The following TLR1 variants were observed in gnomAD, a reference collection of about 807,000 sequenced individuals.
The protein encoded by TLR1 is toll-like receptor 1.
Under a neutral mutation model 20.2 loss-of-function variants are expected in TLR1, and 19 were observed. The observed-to-expected ratio is 0.94, with a 90% CI of 0.66 to 1.38. The LOEUF (loss-of-function observed/expected upper bound fraction) is 1.38, where lower values mean the gene tolerates loss of function less well. Among genes scored for constraint, TLR1 ranks in the 40% most tolerant of loss-of-function variants. The pLI is 0.00. For missense variants in TLR1, 921 were observed against 910.0 expected (o/e 1.01, Z -0.16); for synonymous variants, 320 against 334.5 (o/e 0.96, Z 0.47).
chr4:38,798,656 T>G lies in TLR1; in HGVS notation c.176A>C (p.Glu59Ala). The G allele has an allele frequency of 6.2e-7, 1 of 1,613,976 alleles. No homozygotes were observed. The highest frequency in any genetic ancestry group is 2.2e-5 in the East Asian group (1 of 44,878). ...ILNISQNYIS[E>A]LWTSDILSLS... ...TGATAAGATGTCAGAAGTCCAAAGC[T>G]CAGATATATAATTTTGCGATATATT... The change falls in exon 4 of 4, where the codon GAG becomes GCG. Residue 59 changes from glutamate (E) to alanine (A), a missense_variant. Transcript: ENST00000308979.
chr4:38,794,031 A>G (rs1334004686), downstream of TLR1, among the ~76,000 whole-genome samples: 1 of 152,220 alleles, frequency 6.6e-6, no homozygotes, highest in African/African-American at 2.4e-5. Context: ...CTCTCCTCTC[A>G]AAAGCAGCCA....
downstream of TLR1, among the ~76,000 whole-genome samples, chr4:38,792,663 T>C (rs903707773): frequency 3.3e-5 from 5 of 151,996 alleles, no homozygotes; most frequent in Non-Finnish European, 1.5e-5. Flanking sequence ...TATTAAATGG[T>C]TGTACAATAT....
At chr4:38,799,206 G>T (rs753598688) in intron 3 of TLR1, among the ~76,000 whole-genome samples, 6 of 152,234 alleles carry the variant, frequency 3.9e-5, no homozygotes, top group Non-Finnish European at 8.8e-5. Context: ...TAGAAAAGGG[G>T]TCTTTGCAGA....
In TLR1 at chr4:38,798,305, C is replaced by G; in HGVS notation, c.527G>C (p.Gly176Ala). The stretch of plus-strand genomic sequence containing the variant: ...AAGGCCCTCAGGGTCTTCTTTTTCC[C>G]CATAAGTCTCTCCTAAGACCAGCAA... ...KVLLVLGETY[G>A]EKEDPEGLQD... Residue 176 changes from glycine (G) to alanine (A), a missense_variant, in exon 4 of 4, where the codon GGG becomes GCG. Gly to Ala is a moderately conservative substitution (Grantham distance 60). Transcript: ENST00000308979. 1 of 1,613,068 alleles carries G rather than the reference C, an allele frequency of 6.2e-7. No homozygotes were observed. Among genetic ancestry groups the G allele is most frequent in the Non-Finnish European group, 8.5e-7 (1 of 1,179,444 alleles).
intron 3 of TLR1, chr4:38,800,502 C>T (rs567374509): frequency 6.6e-6 from 1 of 152,314 alleles, no homozygotes; most frequent in African/African-American, 2.4e-5. Flanking sequence ...ATTCAAACTG[C>T]TCTAGCTAAG....
downstream of TLR1, among the ~76,000 whole-genome samples, chr4:38,792,688 T>C (rs1483235698): frequency 6.6e-6 from 1 of 152,024 alleles, no homozygotes; most frequent in Non-Finnish European, 1.5e-5. Flanking sequence ...TTAAACACAT[T>C]CCCCCATTGT....
rs750476859 is a variant in TLR1 at position 38,798,267 on chromosome 4, T to A, written c.565A>T (p.Thr189Ser). The change falls in exon 4 of 4, where the codon ACT (threonine) becomes TCT (serine). Residue 189 changes from threonine to serine, a missense_variant. Transcript: ENST00000308979. ...GGGAACACAATGTGCAGACTCTCAG[T>A]GTTAAAGTCTTGAAGGCCCTCAGGG... ...EDPEGLQDFN[T>S]ESLHIVFPTN... 1 of 1,612,298 alleles carries A rather than the reference T, an allele frequency of 6.2e-7. No homozygotes were observed. The highest frequency in any genetic ancestry group is 2.2e-5 in the East Asian group (1 of 44,832).
rs200356797 is a variant in TLR1, at chr4:38,796,526, C to T, written c.2306G>A (p.Trp769Ter). 3 of 1,613,950 alleles carry T rather than the reference C, an allele frequency of 1.9e-6. No individual in the cohort carries two copies. The highest frequency in any genetic ancestry group is 1.6e-4 in the Middle Eastern group (1 of 6,062). Residue 769 changes from tryptophan to a stop codon, truncating the protein, a stop_gained, in exon 4 of 4, where the codon TGG becomes TAG. Coordinates refer to ENST00000308979, the MANE Select transcript of TLR1 (RefSeq NM_003263.4). LOFTEE classifies it low-confidence loss of function (END_TRUNC). ...PKEKSKRGLFWANLRAAINIK... is the reference protein window; with the variant it reads ...PKEKSKRGLF ...ATTAATGGCTGCCCTTAAGTTAGCCCAAAAAAGGCCACGTTTGCTCTTTTC... is the reference window on the plus strand; with the variant it reads ...ATTAATGGCTGCCCTTAAGTTAGCCTAAAAAAGGCCACGTTTGCTCTTTTC...
At chr4:38,802,272 A>G (rs972581026) in intron 2 of TLR1, among the ~76,000 whole-genome samples, 3 of 152,194 alleles carry the variant, frequency 2.0e-5, no homozygotes, top group African/African-American at 7.2e-5. Context: ...AGGGAAAGTC[A>G]GTCTCCTAAT....
chr4:38,798,231 C>A lies in TLR1; in HGVS notation c.601G>T (p.Glu201Ter). 6.2e-7 allele frequency: 1 copy of A among 1,613,712 alleles called. No homozygotes were observed. Among genetic ancestry groups the A allele is most frequent in the African/African-American group, 1.3e-5 (1 of 74,998 alleles). ...SLHIVFPTNKEFHFILDVSVK... is the reference protein window; with the variant it reads ...SLHIVFPTNK Reference sequence around the variant, plus strand: ...GACACATCCAAAATAAAATGGAATTCTTTGTTTGTGGGGAACACAATGTGC... The same window carrying A: ...GACACATCCAAAATAAAATGGAATTATTTGTTTGTGGGGAACACAATGTGC... Residue 201 changes from glutamate to a stop codon, truncating the protein, a stop_gained, in exon 4 of 4, where the codon GAA (glutamate) becomes TAA (stop). Transcript: ENST00000308979. LOFTEE classifies it low-confidence loss of function (END_TRUNC).
At chr4:38,800,437 A>T (rs1290465641) in intron 3 of TLR1, 1 of 152,118 alleles carries the variant, frequency 6.6e-6, no homozygotes, top group African/African-American at 2.4e-5. Context: ...TCAAATATGT[A>T]TTTATTCTCC....
At chr4:38,805,477 T>C (rs1051808497), upstream of TLR1, 9 of 152,238 alleles carry the variant, frequency 5.9e-5, no homozygotes, top group African/African-American at 1.9e-4. Context: ...TGGGGTTTGT[T>C]GACAGCATGT....
intron 2 of TLR1, among the ~76,000 whole-genome samples, chr4:38,801,790 G>A (rs1004851836): frequency 3.9e-5 from 6 of 152,136 alleles, no homozygotes; most frequent in African/African-American, 1.2e-4. Flanking sequence ...TTATATAACT[G>A]CCTGCCCCCA....
chr4:38,800,338 T>C (rs1449643868), intron 3 of TLR1: 1 of 152,200 alleles, frequency 6.6e-6, no homozygotes, highest in Non-Finnish European at 1.5e-5. Context: ...ATTCCAAAAA[T>C]GATGAGAGGG....
At chr4:38,800,583 G>C (rs1265127415) in intron 3 of TLR1, 1 of 151,912 alleles carries the variant, frequency 6.6e-6, no homozygotes, top group Non-Finnish European at 1.5e-5. Context: ...GAACTCTAGA[G>C]TGTGCAGTCC....
At position 38,798,512 on chromosome 4, in the gene TLR1, T is replaced by G; in HGVS notation, c.320A>C (p.Lys107Thr). ...GTTCACAGTAGGGTGGCAAGAAATC[T>G]TCACCAACTTGTTGTGGGACAAATC... ...YLDLSHNKLVKISCHPTVNLK... is the reference protein window; with the variant it reads ...YLDLSHNKLVTISCHPTVNLK... The change falls in exon 4 of 4, where the codon AAG becomes ACG. Residue 107 changes from lysine (K) to threonine (T), a missense_variant. Transcript: ENST00000308979. 1 of 1,614,198 alleles carries G rather than the reference T, an allele frequency of 6.2e-7. No homozygotes were observed. The highest frequency in any genetic ancestry group is 1.1e-5 in the South Asian group (1 of 91,082).
In TLR1 at chr4:38,796,603, A is replaced by G. The variant is rs200811735; in HGVS notation, c.2229T>C (p.Tyr743=). ...TGGCCATGAGACTTTTGAGCTTGTG[A>G]TAACTGCTAGGAATGGAGTACTGCG... ...PIPQYSIPSS[Y]HKLKSLMARR... Residue 743 remains tyrosine, a synonymous_variant, in exon 4 of 4, where the codon TAT becomes TAC. Transcript: ENST00000308979. 2.7e-5 allele frequency: 43 copies of G among 1,614,030 alleles called. No individual in the cohort carries two copies. The highest frequency in any genetic ancestry group is 3.6e-5 in the Non-Finnish European group (42 of 1,180,038).
chr4:38,798,943 T>G, intron 3 of TLR1, 45 bp from the exon 4 acceptor site: 1 of 940,526 alleles, frequency 1.1e-6, no homozygotes, highest in Non-Finnish European at 1.5e-6. Flanking sequence ...ACATACATTT[T>G]TAAAATACAC....
chr4:38,795,360 G>T (rs764477230), downstream of TLR1, among the ~76,000 whole-genome samples: 1 of 152,226 alleles, frequency 6.6e-6, no homozygotes, highest in Non-Finnish European at 1.5e-5. Context: ...GAGTAAAAAT[G>T]TAGACTGACA....
Sources: allele counts gnomAD v4.1 joint callset (sites outside exome capture counted in the v4.1 genomes callset), GRCh38; gene constraint gnomAD v4.1.1; transcripts MANE v1.5; gene names NCBI Gene and HGNC (gene_info 2026-07-23, HGNC 2026-07-21).